The following OPCML variants were observed in gnomAD, a reference collection of about 807,000 sequenced individuals.
OPCML encodes opioid binding protein/cell adhesion molecule like.
Under a neutral mutation model 37.8 loss-of-function variants are expected in OPCML, and 13 were observed. The observed-to-expected ratio is 0.34, with a 90% CI of 0.22 to 0.55. OPCML has a LOEUF of 0.55. Ranked by LOEUF, OPCML falls within the 20% of genes least tolerant of loss-of-function variation. OPCML has a pLI of 0.91. For synonymous variants in OPCML, 176 were observed against 168.8 expected, an observed-to-expected ratio of 1.04 and a Z score of -0.33; for missense variants, 341 against 435.6, an observed-to-expected ratio of 0.78 and a Z score of 1.93.
intron 2 of OPCML, among the ~76,000 whole-genome samples, chr11:132,770,844 C>T (rs569415284): frequency 1.6e-4 from 25 of 152,226 alleles, no homozygotes; most frequent in East Asian, 7.8e-4. Context: ...CAGTGACTGA[C>T]GCAATAGGAA....
At chr11:132,931,952 C>A (rs186771875) in intron 2 of OPCML, among the ~76,000 whole-genome samples, 1 of 152,168 alleles carries the variant, frequency 6.6e-6, no homozygotes, top group African/African-American at 2.4e-5. Flanking sequence ...GAAAGAAATT[C>A]TGACCCATGC....
At chr11:132,606,223 A>G (rs1305895204) in intron 3 of OPCML, among the ~76,000 whole-genome samples, 1 of 152,106 alleles carries the variant, frequency 6.6e-6, no homozygotes, top group Non-Finnish European at 1.5e-5. Context: ...TCGTAAATCC[A>G]TCTTCAGCTC....
At chr11:132,497,043 A>G (rs751607863) in intron 4 of OPCML, among the ~76,000 whole-genome samples, 11 of 152,186 alleles carry the variant, frequency 7.2e-5, no homozygotes, top group Non-Finnish European at 1.3e-4. Context: ...AAGTGATACC[A>G]TGGAATACTA....
chr11:132,800,334 C>T (rs1938571531), intron 2 of OPCML, among the ~76,000 whole-genome samples: 1 of 152,150 alleles, frequency 6.6e-6, no homozygotes, highest in Non-Finnish European at 1.5e-5. Flanking sequence ...TTTCTATATA[C>T]AATGTCATGT....
intron 4 of OPCML, among the ~76,000 whole-genome samples, chr11:132,483,687 C>G (rs1288320068): frequency 6.6e-6 from 1 of 152,010 alleles, no homozygotes; most frequent in Non-Finnish European, 1.5e-5. Context: ...CTACAGTAAC[C>G]AAAACAGCAT....
At chr11:133,277,917 C>G (rs868593314) in intron 1 of OPCML, among the ~76,000 whole-genome samples, 1 of 152,060 alleles carries the variant, frequency 6.6e-6, no homozygotes, top group African/African-American at 2.4e-5. Flanking sequence ...ACTAGTTGCC[C>G]AAGGTCACTC....
chr11:132,666,884 G>A (rs1942250683), intron 2 of OPCML, among the ~76,000 whole-genome samples: 1 of 152,214 alleles, frequency 6.6e-6, no homozygotes, highest in Non-Finnish European at 1.5e-5. Flanking sequence ...TGTATTTTAT[G>A]AGAATAGGCT....
intron 1 of OPCML, among the ~76,000 whole-genome samples, chr11:133,051,219 C>A (rs1244093412): frequency 3.9e-5 from 6 of 152,218 alleles, no homozygotes; most frequent in Admixed American, 2.0e-4. Context: ...ATATTGATTT[C>A]TCTGTGCCAA....
chr11:133,024,486 C>T (rs546723754), intron 1 of OPCML: 45 of 985,300 alleles, frequency 4.6e-5, no homozygotes, highest in Non-Finnish European at 4.8e-5. Context: ...GCAGGTTTCA[C>T]GGGTAATGAG....
intron 1 of OPCML, among the ~76,000 whole-genome samples, chr11:133,265,734 C>T (rs1941639312): frequency 6.6e-6 from 1 of 152,138 alleles, no homozygotes; most frequent in African/African-American, 2.4e-5. Context: ...CAGACGCTGC[C>T]GGCGCTCCTC....
chr11:132,681,765 C>G (rs529603576), intron 2 of OPCML, among the ~76,000 whole-genome samples: 1 of 152,060 alleles, frequency 6.6e-6, no homozygotes, highest in Non-Finnish European at 1.5e-5. Context: ...ACCATCCTGG[C>G]TAACACGGTG....
chr11:133,314,242 A>AC (rs2136602942), intron 1 of OPCML, among the ~76,000 whole-genome samples: 1 of 150,008 alleles, frequency 6.7e-6, no homozygotes, highest in Admixed American at 6.6e-5. Flanking sequence ...CAAAAAAAAA[A>AC]AAAAAAAAAA....
intron 2 of OPCML, among the ~76,000 whole-genome samples, chr11:132,889,747 C>T (rs1197332947): frequency 2.6e-5 from 4 of 152,194 alleles, no homozygotes; most frequent in Non-Finnish European, 4.4e-5. Flanking sequence ...TAGGATATCA[C>T]ACTTCAATTA....
intron 1 of OPCML, among the ~76,000 whole-genome samples, chr11:133,258,869 G>A (rs1468889223): frequency 6.6e-6 from 1 of 152,158 alleles, no homozygotes; most frequent in Non-Finnish European, 1.5e-5. Context: ...TTCTTAGAAT[G>A]TTTCCTGGGC....
intron 2 of OPCML, among the ~76,000 whole-genome samples, chr11:132,676,684 C>A (rs1942716083): frequency 6.7e-6 from 1 of 148,208 alleles, no homozygotes; most frequent in Admixed American, 6.8e-5. Context: ...TGGAAGTAAG[C>A]TAATATTATT....
rs147530609 is a variant in OPCML at position 133,498,268 on chromosome 11, C to T, written c.61+33996G>A. ...CTTCCCTGCGTTTTCTGCTTTACTCCCTTCCAAAGCTGGCAAGGAAGGCCT... is the reference window on the plus strand; with the variant it reads ...CTTCCCTGCGTTTTCTGCTTTACTCTCTTCCAAAGCTGGCAAGGAAGGCCT... On this transcript the variant is annotated intron_variant, in intron 1 of 7. Transcript: ENST00000524381. 1.9e-3 allele frequency among the ~76,000 whole-genome samples: 291 copies of T among 152,324 alleles called. 6 individuals are homozygous for T. In the East Asian group the frequency reaches 0.028, roughly 15 times the overall value.
intron 2 of OPCML, among the ~76,000 whole-genome samples, chr11:132,689,474 G>T (rs1186884578): frequency 2.6e-5 from 4 of 152,164 alleles, no homozygotes; most frequent in Non-Finnish European, 5.9e-5. Context: ...CCAGCTAAGG[G>T]TATTAGAAAA....
chr11:132,694,613 C>T (rs1943537094), intron 2 of OPCML, among the ~76,000 whole-genome samples: 1 of 152,226 alleles, frequency 6.6e-6, no homozygotes, highest in African/African-American at 2.4e-5. Context: ...CTGCCAGTTG[C>T]TTCCTATCTT....
At chr11:133,314,789 G>A (rs529820570) in intron 1 of OPCML, among the ~76,000 whole-genome samples, 61 of 152,276 alleles carry the variant, frequency 4.0e-4, no homozygotes, top group Admixed American at 3.5e-3. Context: ...GGACATTGCC[G>A]CAAAAAATTA....
Sources: gnomAD v4.1 joint callset for allele counts (sites outside exome capture counted in the v4.1 genomes callset) on GRCh38, gnomAD v4.1.1 for gene constraint, MANE v1.5 for transcripts, NCBI Gene and HGNC (gene_info 2026-07-23, HGNC 2026-07-21) for gene names.